The following HEATR1 variants were observed in gnomAD, a reference collection of about 807,000 sequenced individuals.
The protein encoded by HEATR1 is HEAT repeat containing 1, also known as HEAT repeat-containing protein 1.
HEATR1 carries 77 observed loss-of-function variants against 248.2 expected under a neutral mutation model. The observed-to-expected ratio is 0.31, with a 90% CI of 0.26 to 0.37. The LOEUF (loss-of-function observed/expected upper bound fraction) is 0.37, where lower values mean the gene tolerates loss of function less well. Ranked by LOEUF, HEATR1 falls within the 10% of genes least tolerant of loss-of-function variation. The probability of loss-of-function intolerance (pLI) is 1.00; values close to 1 mark genes in which losing one functional copy is unlikely to be tolerated. For synonymous variants in HEATR1, 897 were observed against 923.1 expected (o/e 0.97, Z 0.51); for missense variants, 2,420 against 2,504.9 (o/e 0.97, Z 0.72).
In HEATR1 at chr1:236,559,852, C is replaced by G. The variant is rs1663077053; in HGVS notation, c.4647-15G>C. On this transcript the variant is annotated splice_polypyrimidine_tract_variant and intron_variant, in intron 33 of 44. Transcript: ENST00000366582. ...TCTCCAGCAACCTGAAACACAGAGG[C>G]TCGCTCAGCAAACGGCAGCTGAAGG... 6.3e-7 allele frequency: 1 copy of G among 1,586,556 alleles called. No homozygotes were observed. Among genetic ancestry groups the G allele is most frequent in the South Asian group, 1.1e-5 (1 of 88,414 alleles).
chr1:236,602,255 A>G (rs918870183), intron 3 of HEATR1, among the ~76,000 whole-genome samples: 4 of 152,246 alleles, frequency 2.6e-5, no homozygotes, highest in African/African-American at 9.6e-5. Flanking sequence ...AAAGCAGATA[A>G]AAGATCAGAC....
At position 236,555,436 on chromosome 1, in the gene HEATR1, G is replaced by A; in HGVS notation, c.5783C>T (p.Ala1928Val). The A allele has an allele frequency of 6.2e-7, 1 of 1,614,184 alleles. No individual in the cohort carries two copies. The highest frequency in any genetic ancestry group is 1.3e-5 in the African/African-American group (1 of 75,044). The change falls in exon 41 of 45, where the codon GCC becomes GTC. Residue 1928 changes from alanine to valine, a missense_variant. Coordinates refer to ENST00000366582, the MANE Select transcript of HEATR1 (RefSeq NM_018072.6). The stretch of plus-strand genomic sequence containing the variant: ...AAATGTCAACAACCTGTCCTTTGGG[G>A]CATCTTCTGTTTTAGCCCAATCAAA... ...KLFDWAKTED[A>V]PKDRLLTFYN...
chr1:236,595,318 A>T lies in HEATR1; in HGVS notation c.1090+222T>A, dbSNP rs186330475. Among the ~76,000 whole-genome samples, 1,424 of 152,284 alleles carry T rather than the reference A, an allele frequency of 9.4e-3. 19 individuals are homozygous for T. The highest frequency in any genetic ancestry group is 0.033 in the African/African-American group (1,362 of 41,560). On this transcript the variant is annotated intron_variant, in intron 8 of 44. Transcript: ENST00000366582. ...TTAAGTATTTAAGAACACAGATCTT[A>T]AAAAAAGTAAAATTCTAAGAAATTA... is the stretch of plus-strand genomic sequence containing the variant.
Position 236,565,334 on chromosome 1 carries a change from T to G in HEATR1, c.4435+585A>C, listed in dbSNP as rs1038908355. On this transcript the variant is annotated intron_variant, in intron 31 of 44. Coordinates refer to ENST00000366582, the MANE Select transcript of HEATR1 (RefSeq NM_018072.6). ...AACCCTTTCTTAATGAAAAAAAGTT[T>G]TTTTTAGAGATGGCGTCTTACTATG... Among the ~76,000 whole-genome samples the G allele has an allele frequency of 2.0e-5, 3 of 152,342 alleles. No individual in the cohort carries two copies. In the South Asian group the frequency reaches 6.2e-4, roughly 32 times the overall value.
chr1:236,595,607 G>A lies in HEATR1; in HGVS notation c.1023C>T (p.Tyr341=), dbSNP rs369809696. The A allele has an allele frequency of 1.2e-4, 199 of 1,607,922 alleles. No homozygotes were observed. Among genetic ancestry groups the A allele is most frequent in the Middle Eastern group, 3.3e-4 (2 of 6,076 alleles). Residue 341 remains tyrosine (Y), a synonymous_variant, in exon 8 of 45, where the codon TAC becomes TAT. Transcript: ENST00000366582. ...TGTAATGCAGAAGAGGACTGACATC[G>A]TAAGTTTCAGAAATCCCATGAAGTA... ...ITILHGISET[Y]DVSPLLHYML... is the part of the protein sequence containing the mutation.
chr1:236,572,859 T>C (rs1663464417), intron 24 of HEATR1, 31 bp from the exon 25 acceptor site: 1 of 1,556,568 alleles, frequency 6.4e-7, no homozygotes, highest in South Asian at 1.1e-5. Flanking sequence ...GAGTTGATGA[T>C]ATAATCCATT....
At chr1:236,588,730 T>C (rs1367079456) in intron 12 of HEATR1, among the ~76,000 whole-genome samples, 1 of 152,158 alleles carries the variant, frequency 6.6e-6, no homozygotes, top group African/African-American at 2.4e-5. Context: ...CCTGAATATA[T>C]CCCTATCTAT....
chr1:236,603,222 A>C lies in HEATR1; in HGVS notation c.297T>G (p.Ile99Met), dbSNP rs771832271. 6 of 1,614,174 alleles carry C rather than the reference A, an allele frequency of 3.7e-6. No homozygotes were observed. In the African/African-American group the frequency reaches 5.3e-5, roughly 14 times the overall value. Residue 99 changes from isoleucine to methionine, a missense_variant, in exon 3 of 45, where the codon ATT becomes ATG. Coordinates refer to ENST00000366582, the MANE Select transcript of HEATR1 (RefSeq NM_018072.6). ...TAAGCAGGAAGTAAGGCGACAAGTG[A>C]ATAAGGAATAATGAAATGTTTTCAT... is the stretch of plus-strand genomic sequence containing the variant. The part of the protein sequence containing the change: ...QLDENISLFL[I>M]HLSPYFLLKP...
At chr1:236,593,721 A>G (rs1664103684) in intron 9 of HEATR1, among the ~76,000 whole-genome samples, 1 of 152,108 alleles carries the variant, frequency 6.6e-6, no homozygotes, top group South Asian at 2.1e-4. Flanking sequence ...ATTATGGTCC[A>G]TTTACTAAGA....
chr1:236,597,114 G>A, intron 5 of HEATR1, 138 bp from the exon 6 acceptor site: 2 of 505,304 alleles, frequency 4.0e-6, no homozygotes, highest in Non-Finnish European at 6.3e-6. Flanking sequence ...GACAAAGCAA[G>A]TCCATGTCTC....
rs1664370949 is a variant in HEATR1, at chr1:236,603,164, G to A, written c.355C>T (p.His119Tyr). 2 of 1,609,938 alleles carry A rather than the reference G, an allele frequency of 1.2e-6. No individual in the cohort carries two copies. The highest frequency in any genetic ancestry group is 1.7e-6 in the Non-Finnish European group (2 of 1,176,412). Residue 119 changes from histidine to tyrosine, a missense_variant, in exon 3 of 45, where the codon CAC becomes TAC. By Grantham distance (83) the His-to-Tyr change is moderately conservative. Transcript: ENST00000366582. ...TTCTGTAATTCTATTAGCTACCTGT[G>A]AATCAACCACTCCAGACACTTCTGT... ...PAQKCLEWLI[H>Y]RFHIHLYNQD...
chr1:236,596,990 C>T lies in HEATR1; in HGVS notation c.604-14G>A, dbSNP rs1558192777. 5 of 1,608,482 alleles carry T rather than the reference C, an allele frequency of 3.1e-6. No homozygotes were observed. The South Asian group carries it at 3.3e-5, about 11-fold the overall frequency. On this transcript the variant is annotated splice_polypyrimidine_tract_variant and intron_variant, in intron 5 of 44. Transcript: ENST00000366582. ...CTCAGCAAAAACCTGAAACAAGGAA[C>T]ACAAACAAAACACATTTAACAGTGA...
At chr1:236,575,964 T>C (rs112511430) in intron 22 of HEATR1, among the ~76,000 whole-genome samples, 3 of 152,218 alleles carry the variant, frequency 2.0e-5, no homozygotes, top group Non-Finnish European at 4.4e-5. Flanking sequence ...GTTAAGTTCA[T>C]TTAAAATAAA....
At chr1:236,569,274 C>A in intron 28 of HEATR1, 150 bp from the exon 29 acceptor site, 1 of 543,660 alleles carries the variant, frequency 1.8e-6, no homozygotes, top group Non-Finnish European at 3.1e-6. Context: ...CTCCTAAGCT[C>A]AAGCAATCCT....
At chr1:236,554,820 T>C (rs527242097) in intron 41 of HEATR1, 68 bp from the exon 42 acceptor site, 288 of 1,311,146 alleles carry the variant, frequency 2.2e-4, no homozygotes, top group Middle Eastern at 1.3e-3. Flanking sequence ...AATGTTTACA[T>C]TGAAATCACT....
chr1:236,599,388 G>C, intron 4 of HEATR1, 95 bp downstream of exon 4: 2 of 939,188 alleles, frequency 2.1e-6, no homozygotes, highest in Non-Finnish European at 3.1e-6. Flanking sequence ...TAGTTATCTG[G>C]ACTATCCCCA....
At chr1:236,581,890 A>G (rs1455787970) in intron 19 of HEATR1, among the ~76,000 whole-genome samples, 2 of 152,192 alleles carry the variant, frequency 1.3e-5, no homozygotes, top group South Asian at 2.1e-4. Flanking sequence ...TAACCAATCA[A>G]AAAGACTGGG....
At chr1:236,556,459 A>G (rs922331473) in intron 37 of HEATR1, among the ~76,000 whole-genome samples, 3 of 152,244 alleles carry the variant, frequency 2.0e-5, no homozygotes. Flanking sequence ...ACTTGCGATC[A>G]GGGACGAAGG....
At chr1:236,576,451 G>A in intron 21 of HEATR1, 74 bp from the exon 22 acceptor site, 1 of 1,072,976 alleles carries the variant, frequency 9.3e-7, no homozygotes, top group Non-Finnish European at 1.3e-6. Context: ...AATTACGGAA[G>A]ACTCTTACCC....
Sources: gnomAD v4.1 joint callset for allele counts (sites outside exome capture counted in the v4.1 genomes callset) on GRCh38, gnomAD v4.1.1 for gene constraint, MANE v1.5 for transcripts, NCBI Gene and HGNC (gene_info 2026-07-23, HGNC 2026-07-21) for gene names.